The following NSD2 variants were observed in gnomAD, a reference collection of about 807,000 sequenced individuals.
NSD2 encodes the protein nuclear receptor binding SET domain protein 2, also known as histone-lysine N-methyltransferase NSD2.
NSD2 carries 12 observed loss-of-function variants against 139.0 expected under a neutral mutation model. That is an observed-to-expected ratio of 0.09 (90% CI 0.06 to 0.14). The LOEUF (loss-of-function observed/expected upper bound fraction) is 0.14. NSD2 is among the 10% of genes least tolerant of loss of function. The pLI is 1.00. For missense variants in NSD2, 1,155 were observed against 1,745.0 expected, an observed-to-expected ratio of 0.66 and a Z score of 6.02; for synonymous variants, 669 against 648.7, an observed-to-expected ratio of 1.03 and a Z score of -0.48.
At chr4:1,975,155 C>G in intron 19 of NSD2, 139 bp from the exon 20 acceptor site, 2 of 1,431,352 alleles carry the variant, frequency 1.4e-6, no homozygotes, top group East Asian at 2.3e-5. Context: ...TTTTACCAAG[C>G]AAAATTGAAA....
At chr4:1,935,383 A>C in intron 7 of NSD2, 121 bp downstream of exon 7, 2 of 711,210 alleles carry the variant, frequency 2.8e-6, no homozygotes, top group Non-Finnish European at 2.4e-6. Flanking sequence ...AGCTCCTTCC[A>C]GGCTGGTATT....
intron 1 of NSD2, 101 bp downstream of exon 1, chr4:1,871,643 CG>C (rs1188972718): frequency 2.7e-5 from 4 of 148,670 alleles, no homozygotes; most frequent in African/African-American, 9.8e-5. Flanking sequence ...GGGAGGACCG[CG>C]GAGGCCTGAG....
intron 3 of NSD2, among the ~76,000 whole-genome samples, chr4:1,908,907 C>A (rs747142703): frequency 1.3e-5 from 2 of 152,078 alleles, no homozygotes; most frequent in Non-Finnish European, 2.9e-5. Flanking sequence ...CTTGGCCTCC[C>A]AAATTGTTGG....
intron 5 of NSD2, among the ~76,000 whole-genome samples, chr4:1,924,654 T>A (rs1720613834): frequency 6.6e-6 from 1 of 151,804 alleles, no homozygotes; most frequent in African/African-American, 2.4e-5. Flanking sequence ...CTCACACCTG[T>A]AATCCCAGCA....
At chr4:1,968,740 A>G (rs1419908374) in intron 18 of NSD2, among the ~76,000 whole-genome samples, 1 of 152,194 alleles carries the variant, frequency 6.6e-6, no homozygotes, top group Non-Finnish European at 1.5e-5. Flanking sequence ...CAACAAGGAA[A>G]GGCTCCCACA....
chr4:1,872,622 G>GAGAGAGAGAGAGAGAGAGAGAGAGAGAT (rs1713931515), intron 1 of NSD2, among the ~76,000 whole-genome samples: 1 of 146,392 alleles, frequency 6.8e-6, no homozygotes. Context: ...GAGAGAGAGA[G>GAGAGAGAGAGAGAGAGAGAGAGAGAGAT]AGAGAGAGAG....
chr4:1,879,347 T>C (rs1714533561), intron 1 of NSD2, among the ~76,000 whole-genome samples: 2 of 151,998 alleles, frequency 1.3e-5, no homozygotes. Flanking sequence ...GCCTCCCAAG[T>C]AGCTGGGACT....
chr4:1,965,980 G>T (rs914083238), intron 18 of NSD2, among the ~76,000 whole-genome samples: 60 of 152,126 alleles, frequency 3.9e-4, no homozygotes, highest in African/African-American at 1.4e-3. Flanking sequence ...TATCACAAGG[G>T]ATTCTCAATG....
At chr4:1,918,810 G>A (rs1353054021) in intron 5 of NSD2, 187 bp downstream of exon 5, 1 of 767,772 alleles carries the variant, frequency 1.3e-6, no homozygotes, top group Non-Finnish European at 2.0e-6. Context: ...TACTCGACTT[G>A]CACTCTGGGG....
chr4:1,906,870 A>T (rs988140137), intron 3 of NSD2, among the ~76,000 whole-genome samples: 2 of 151,140 alleles, frequency 1.3e-5, no homozygotes, highest in Non-Finnish European at 2.9e-5. Context: ...CATATTGGCC[A>T]GGCTGGTCTC....
In NSD2 at chr4:1,980,653, G is replaced by T. The variant is rs1236861544; in HGVS notation, c.*1744G>T. ...CCCACGCCTCCCTGAGCACTGACTGGAAGTTTCACTGGCTGGTGGCTGTCC... is the reference window on the plus strand; with the variant it reads ...CCCACGCCTCCCTGAGCACTGACTGTAAGTTTCACTGGCTGGTGGCTGTCC... On this transcript the variant is annotated 3_prime_UTR_variant, in exon 22 of 22. Coordinates refer to ENST00000508803, the MANE Select transcript of NSD2 (RefSeq NM_001042424.3). 1.3e-5 allele frequency: 3 copies of T among 233,122 alleles called. No individual in the cohort carries two copies. Among genetic ancestry groups the T allele is most frequent in the Non-Finnish European group, 2.5e-5 (3 of 118,036 alleles). 14.4% of individuals were successfully genotyped at this position (233,122 alleles called of 1,614,324 possible).
At chr4:1,939,610 AG>A (rs1722866894) in intron 8 of NSD2, 43 bp from the exon 9 acceptor site, 4 of 1,588,554 alleles carry the variant, frequency 2.5e-6, no homozygotes, top group African/African-American at 2.7e-5. Context: ...AAAAAGATCA[AG>A]GGTTTATGAT....
intron 17 of NSD2, among the ~76,000 whole-genome samples, chr4:1,960,531 C>T (rs1201580305): frequency 6.6e-6 from 1 of 152,202 alleles, no homozygotes; most frequent in East Asian, 1.9e-4. Flanking sequence ...TGGCATGACC[C>T]AGGTCCATAC....
chr4:1,898,520 C>T (rs559296819), intron 1 of NSD2, among the ~76,000 whole-genome samples: 11 of 151,630 alleles, frequency 7.3e-5, no homozygotes, highest in African/African-American at 1.9e-4. Flanking sequence ...AAAAATTAGC[C>T]GGGCGTGGTG....
At chr4:1,905,854 A>G (rs147221143) in intron 3 of NSD2, among the ~76,000 whole-genome samples, 35 of 152,132 alleles carry the variant, frequency 2.3e-4, no homozygotes, top group Non-Finnish European at 4.1e-4. Context: ...GGTTGCGGGA[A>G]CCCCAGGGTG....
chr4:1,963,115 C>T (rs1211900179), intron 18 of NSD2, among the ~76,000 whole-genome samples: 1 of 152,114 alleles, frequency 6.6e-6, no homozygotes, highest in Non-Finnish European at 1.5e-5. Context: ...TCAGCAACAC[C>T]CTCATAGGAT....
At chr4:1,938,341 T>C (rs1722646433) in intron 7 of NSD2, 110 bp from the exon 8 acceptor site, 2 of 1,000,766 alleles carry the variant, frequency 2.0e-6, no homozygotes, top group Admixed American at 3.5e-5. Flanking sequence ...CATGAGGAGA[T>C]TTTTTTTCCT....
rs1723897735 is a variant in NSD2 at position 1,948,704 on chromosome 4, G to A, written c.1882-2368G>A. 1.9e-6 allele frequency: 2 copies of A among 1,052,934 alleles called. No homozygotes were observed. Among genetic ancestry groups the A allele is most frequent in the Non-Finnish European group, 2.3e-6 (2 of 870,446 alleles). The allele number at this position is 1,052,934 out of a possible 1,614,324, so 65.2% of individuals were successfully genotyped here. The stretch of plus-strand genomic sequence containing the variant: ...ATTTATATATTTCCATTCAAAATAT[G>A]TATTCAGTGTTTATTTCCTCAAAAC... On this transcript the variant is annotated intron_variant, in intron 9 of 21. Coordinates refer to ENST00000508803, the MANE Select transcript of NSD2 (RefSeq NM_001042424.3). The surrounding 1 kb of genome is among the most constrained non-coding windows in gnomAD (Gnocchi z 4.5).
At position 1,951,162 on chromosome 4, in the gene NSD2, T is replaced by C; in HGVS notation, c.1972T>C (p.Ser658Pro). Residue 658 changes from serine (S) to proline (P), a missense_variant, in exon 10 of 22, where the codon TCT becomes CCT. By Grantham distance (74) the Ser-to-Pro change is moderately conservative. Transcript: ENST00000508803. The stretch of plus-strand genomic sequence containing the variant: ...TGAAGTATCTGTCTCATCCAAAAAG[T>C]CTGAGCGAGGAGTGACTGCCAAAAA... ...QTEVSVSSKKSERGVTAKKEY... is the reference protein window; with the variant it reads ...QTEVSVSSKKPERGVTAKKEY... The C allele has an allele frequency of 6.2e-7, 1 of 1,614,116 alleles. No homozygotes were observed. Among genetic ancestry groups the C allele is most frequent in the Non-Finnish European group, 8.5e-7 (1 of 1,180,018 alleles).
Sources: gnomAD v4.1 joint callset for allele counts (sites outside exome capture counted in the v4.1 genomes callset) on GRCh38, gnomAD v4.1.1 for gene constraint, Gnocchi (gnomAD v3.1) non-coding constraint, MANE v1.5 for transcripts, NCBI Gene and HGNC (gene_info 2026-07-23, HGNC 2026-07-21) for gene names.